The following PCBP3 variants were observed in gnomAD, a reference collection of about 807,000 sequenced individuals.
PCBP3 encodes the protein poly(rC)-binding protein 3.
Under a neutral mutation model 52.7 loss-of-function variants are expected in PCBP3, and 25 were observed. The observed-to-expected ratio is 0.47, with a 90% confidence interval of 0.35 to 0.66. The LOEUF (loss-of-function observed/expected upper bound fraction) is 0.66, where lower values mean the gene tolerates loss of function less well. PCBP3 is among the 30% of genes least tolerant of loss of function. The pLI is 0.01. For synonymous variants in PCBP3, 162 were observed against 183.0 expected, an observed-to-expected ratio of 0.89 and a Z score of 0.93; for missense variants, 391 against 490.3, an observed-to-expected ratio of 0.80 and a Z score of 1.91.
At chr21:45,731,333 A>G (rs2085437383) in intron 2 of PCBP3, among the ~76,000 whole-genome samples, 1 of 152,164 alleles carries the variant, frequency 6.6e-6, no homozygotes, top group Admixed American at 6.5e-5. Context: ...CGCTGAAAAC[A>G]CCGTTTTTAG....
chr21:45,727,677 TTG>T (rs2085152932), intron 2 of PCBP3, among the ~76,000 whole-genome samples: 1 of 152,100 alleles, frequency 6.6e-6, no homozygotes, highest in Non-Finnish European at 1.5e-5. Context: ...CCTTGGGTGA[TTG>T]GGGCAGGTGG....
At chr21:45,887,353 G>T (rs1181093807) in intron 5 of PCBP3, among the ~76,000 whole-genome samples, 5 of 152,232 alleles carry the variant, frequency 3.3e-5, no homozygotes, top group Admixed American at 3.3e-4. Flanking sequence ...GCATCTGAGA[G>T]CACAGATGCC....
At chr21:45,780,703 A>G (rs757744608) in intron 4 of PCBP3, among the ~76,000 whole-genome samples, 2 of 152,234 alleles carry the variant, frequency 1.3e-5, no homozygotes, top group Non-Finnish European at 2.9e-5. Flanking sequence ...ATTAAGTAAT[A>G]TGATCTCAGA....
intron 3 of PCBP3, chr21:45,751,463 C>T (rs1307082030): frequency 6.6e-6 from 1 of 152,206 alleles, no homozygotes; most frequent in African/African-American, 2.4e-5. Flanking sequence ...TTCTATTAAA[C>T]AGCATCCCTG....
intron 3 of PCBP3, among the ~76,000 whole-genome samples, chr21:45,752,321 C>G (rs778842907): frequency 2.0e-5 from 3 of 151,514 alleles, no homozygotes; most frequent in Admixed American, 2.0e-4. Flanking sequence ...TTTCATTAAT[C>G]TAAGTTTTTA....
intron 5 of PCBP3, among the ~76,000 whole-genome samples, chr21:45,890,273 C>T (rs1315407437): frequency 6.6e-6 from 1 of 152,242 alleles, no homozygotes; most frequent in Non-Finnish European, 1.5e-5. Flanking sequence ...CAGCTGTTGG[C>T]GGGGCCGTGG....
At chr21:45,907,860 G>A (rs907986035) in intron 9 of PCBP3, among the ~76,000 whole-genome samples, 3 of 151,520 alleles carry the variant, frequency 2.0e-5, no homozygotes, top group Admixed American at 1.3e-4. Flanking sequence ...GACGGGGCGG[G>A]GGGAGTGCTG....
intron 3 of PCBP3, among the ~76,000 whole-genome samples, chr21:45,751,809 C>A (rs905601479): frequency 1.3e-5 from 2 of 152,234 alleles, no homozygotes; most frequent in Non-Finnish European, 2.9e-5. Flanking sequence ...TTCTTCAGCT[C>A]ATGACTTTTT....
intron 5 of PCBP3, chr21:45,869,064 G>C (rs2148591533): frequency 6.6e-6 from 1 of 152,308 alleles, no homozygotes; most frequent in Non-Finnish European, 1.5e-5. Flanking sequence ...TGTGCGTTCT[G>C]GCAAGTAGAA....
At chr21:45,685,921 T>TC (rs955301854) in intron 2 of PCBP3, among the ~76,000 whole-genome samples, 3 of 149,456 alleles carry the variant, frequency 2.0e-5, no homozygotes, top group Non-Finnish European at 4.5e-5. Context: ...TGAACTTTTT[T>TC]TTTTTTTTTT....
intron 5 of PCBP3, chr21:45,893,718 A>G: frequency 2.0e-6 from 2 of 984,132 alleles, no homozygotes; most frequent in Non-Finnish European, 2.4e-6. Flanking sequence ...CCAGCACTGG[A>G]CGGGACAGAG....
At chr21:45,810,818 C>G (rs1351392143) in intron 4 of PCBP3, among the ~76,000 whole-genome samples, 1 of 152,150 alleles carries the variant, frequency 6.6e-6, no homozygotes, top group African/African-American at 2.4e-5. Context: ...AGGTATTTGA[C>G]AACAACTTTC....
intron 14 of PCBP3, 89 bp from the exon 15 acceptor site, chr21:45,930,697 C>A: frequency 5.8e-6 from 4 of 687,632 alleles, no homozygotes; most frequent in Non-Finnish European, 8.1e-6. Context: ...GTGCGTGCGC[C>A]AGTCATATTT....
chr21:45,875,975 G>A (rs896400656), intron 5 of PCBP3, among the ~76,000 whole-genome samples: 8 of 152,322 alleles, frequency 5.3e-5, no homozygotes, highest in East Asian at 1.9e-4. Flanking sequence ...CCGCATCCCC[G>A]GTGCCGTGTG....
At chr21:45,703,747 C>T (rs143791553) in intron 2 of PCBP3, among the ~76,000 whole-genome samples, 1 of 152,146 alleles carries the variant, frequency 6.6e-6, no homozygotes, top group African/African-American at 2.4e-5. Context: ...AGGGTGGCAG[C>T]AGTGGATATG....
chr21:45,889,917 G>A (rs187313265), intron 5 of PCBP3, among the ~76,000 whole-genome samples: 3 of 152,258 alleles, frequency 2.0e-5, no homozygotes, highest in African/African-American at 2.4e-5. Context: ...AGAAGTCAGC[G>A]TAGCTCCGAG....
At chr21:45,696,723 A>G (rs2330245) in intron 2 of PCBP3, among the ~76,000 whole-genome samples, 103,927 of 151,478 alleles carry the variant, frequency 0.69, 37,016 homozygotes, top group African/African-American at 0.88. Flanking sequence ...CCCGGGAGGC[A>G]GAGGTTGCAG....
chr21:45,919,259 C>G (rs903050021), intron 13 of PCBP3: 1 of 152,232 alleles, frequency 6.6e-6, no homozygotes, highest in Non-Finnish European at 1.5e-5. Flanking sequence ...AGCTGCTCCT[C>G]GTAACGCAGT....
intron 5 of PCBP3, among the ~76,000 whole-genome samples, chr21:45,855,030 A>G (rs1284317392): frequency 6.6e-6 from 1 of 152,168 alleles, no homozygotes; most frequent in Non-Finnish European, 1.5e-5. Context: ...AGAGCAGGAA[A>G]GGGGACCCTA....
Sources: gnomAD v4.1 joint callset for allele counts (sites outside exome capture counted in the v4.1 genomes callset) on GRCh38, gnomAD v4.1.1 for gene constraint, MANE v1.5 for transcripts, NCBI Gene and HGNC (gene_info 2026-07-23, HGNC 2026-07-21) for gene names.